BMPER: variants seen among roughly 807,000 people sequenced by gnomAD.
BMPER encodes the protein BMP-binding endothelial regulator protein.
A neutral mutation model predicts 87.3 loss-of-function variants in BMPER; 45 were observed. The observed-to-expected ratio is 0.52, with a 90% CI of 0.41 to 0.66. The LOEUF (loss-of-function observed/expected upper bound fraction) is 0.66, where lower values mean the gene tolerates loss of function less well. BMPER is among the 30% of genes least tolerant of loss of function. The pLI is 0.00. For missense variants in BMPER, 784 were observed against 867.5 expected, an observed-to-expected ratio of 0.90 and a Z score of 1.21; for synonymous variants, 326 against 316.2, an observed-to-expected ratio of 1.03 and a Z score of -0.33.
chr7:34,049,310 G>A (rs912805096), intron 7 of BMPER, among the ~76,000 whole-genome samples: 1 of 152,140 alleles, frequency 6.6e-6, no homozygotes, highest in African/African-American at 2.4e-5. Context: ...TGCTCCAAGA[G>A]CTTTATATTC....
At chr7:34,086,932 A>G (rs1789228594) in intron 13 of BMPER, among the ~76,000 whole-genome samples, 1 of 152,170 alleles carries the variant, frequency 6.6e-6, no homozygotes, top group Non-Finnish European at 1.5e-5. Context: ...ACACAGCCCA[A>G]AAGGCCTTGT....
At chr7:34,039,603 T>C (rs6944283) in intron 6 of BMPER, among the ~76,000 whole-genome samples, 7 of 142,682 alleles carry the variant, frequency 4.9e-5, no homozygotes, top group Middle Eastern at 3.7e-3. Context: ...GACACACAAA[T>C]ACACACACAC....
At chr7:34,016,011 A>T (rs1171243963) in intron 6 of BMPER, among the ~76,000 whole-genome samples, 1 of 148,306 alleles carries the variant, frequency 6.7e-6, no homozygotes, top group Non-Finnish European at 1.5e-5. Context: ...AGAGAGAGTG[A>T]GAGAGAGAGA....
At chr7:34,114,815 A>G (rs1790067772) in intron 13 of BMPER, among the ~76,000 whole-genome samples, 2 of 152,246 alleles carry the variant, frequency 1.3e-5, no homozygotes, top group Admixed American at 1.3e-4. Flanking sequence ...GAAAGGGGCA[A>G]CACATAGTTC....
At chr7:33,974,552 C>A (rs1210668189) in intron 5 of BMPER, 150 bp from the exon 6 acceptor site, 2 of 801,920 alleles carry the variant, frequency 2.5e-6, no homozygotes, top group East Asian at 2.6e-5. Context: ...CTGTTTTTTT[C>A]TTTTCACTAT....
In BMPER at chr7:34,069,935, G is replaced by A. The variant is rs141721798; in HGVS notation, c.1078+7888G>A. ...TCTTCTTATCTCTGTTCCCTTCCGC[G>A]TTAGTACTCTCTGCCCTCATTCATT... is the stretch of plus-strand genomic sequence containing the variant. On this transcript the variant is annotated intron_variant, in intron 11 of 14. Coordinates refer to ENST00000649409, the MANE Select transcript of BMPER (RefSeq NM_001365308.1). Among the ~76,000 whole-genome samples the A allele has an allele frequency of 1.4e-3, 220 of 152,086 alleles. 1 individual carries two copies. Among genetic ancestry groups the A allele is most frequent in the African/African-American group, 5.0e-3 (206 of 41,480 alleles).
chr7:33,907,710 G>A (rs1783856913), intron 2 of BMPER, among the ~76,000 whole-genome samples: 1 of 152,122 alleles, frequency 6.6e-6, no homozygotes, highest in Admixed American at 6.5e-5. Flanking sequence ...AATCACTTTT[G>A]GCAAAATTTG....
intron 13 of BMPER, among the ~76,000 whole-genome samples, chr7:34,126,905 A>T (rs1404491192): frequency 1.3e-5 from 2 of 152,190 alleles, no homozygotes; most frequent in Non-Finnish European, 2.9e-5. Context: ...TGAGTGACTA[A>T]GCAGCATTAT....
intron 3 of BMPER, among the ~76,000 whole-genome samples, chr7:33,962,557 G>T: frequency 6.6e-6 from 1 of 152,146 alleles, no homozygotes. Flanking sequence ...ATATCTTCCA[G>T]CTGTGATAAC....
intron 6 of BMPER, among the ~76,000 whole-genome samples, chr7:34,034,885 A>T (rs749534226): frequency 6.6e-6 from 1 of 151,906 alleles, no homozygotes; most frequent in Non-Finnish European, 1.5e-5. Flanking sequence ...CTCAGGGTGG[A>T]TTTTCTCTCA....
At chr7:34,125,489 A>G (rs192485501) in intron 13 of BMPER, among the ~76,000 whole-genome samples, 4 of 152,168 alleles carry the variant, frequency 2.6e-5, no homozygotes, top group African/African-American at 9.6e-5. Flanking sequence ...CTCTCATTCT[A>G]TTTTAAGTCT....
intron 13 of BMPER, among the ~76,000 whole-genome samples, chr7:34,135,763 G>A (rs1412841013): frequency 6.6e-6 from 1 of 152,068 alleles, no homozygotes; most frequent in Non-Finnish European, 1.5e-5. Flanking sequence ...TTTCTTGGAG[G>A]AGCCCATCTC....
chr7:33,934,542 A>G (rs547347257), intron 2 of BMPER, among the ~76,000 whole-genome samples: 1 of 151,446 alleles, frequency 6.6e-6, no homozygotes, highest in Non-Finnish European at 1.5e-5. Flanking sequence ...AAAAATCCAG[A>G]TGTGAATCTA....
chr7:33,940,434 A>G (rs1281205906), intron 3 of BMPER, among the ~76,000 whole-genome samples: 1 of 152,194 alleles, frequency 6.6e-6, no homozygotes, highest in Non-Finnish European at 1.5e-5. Flanking sequence ...CTTGCGTAGT[A>G]AAGGAATAAG....
intron 13 of BMPER, among the ~76,000 whole-genome samples, chr7:34,142,542 G>A (rs577246257): frequency 6.6e-6 from 1 of 152,284 alleles, no homozygotes; most frequent in Non-Finnish European, 1.5e-5. Context: ...TATTTCAGCT[G>A]CAGAGACCTT....
chr7:33,906,915 G>T lies in BMPER; in HGVS notation c.219+12G>T, dbSNP rs774299071. Reference sequence around the variant, plus strand: ...TGTGTGTCTGCTTGGTAAGTGTGGAGATCAGGTAATATGAACTCAACTGCT... The same window carrying T: ...TGTGTGTCTGCTTGGTAAGTGTGGATATCAGGTAATATGAACTCAACTGCT... On this transcript the variant is annotated intron_variant, in intron 2 of 14. Transcript: ENST00000649409. The T allele has an allele frequency of 6.2e-7, 1 of 1,603,530 alleles. No homozygotes were observed.
At chr7:33,908,430 A>G (rs1783875314) in intron 2 of BMPER, among the ~76,000 whole-genome samples, 1 of 152,194 alleles carries the variant, frequency 6.6e-6, no homozygotes, top group African/African-American at 2.4e-5. Context: ...ACATTATGAG[A>G]AATTCTCCCC....
chr7:34,143,353 T>C lies in BMPER; in HGVS notation c.1869T>C (p.Asn623=), dbSNP rs1273778197. 1 of 1,613,812 alleles carries C rather than the reference T, an allele frequency of 6.2e-7. No individual in the cohort carries two copies. The highest frequency in any genetic ancestry group is 1.3e-5 in the African/African-American group (1 of 74,906). ...AAGTCCACTGGGAGCCTCAGCAGAA[T>C]TGTGCAGGTAAGAAAGTCCTGCTGG... The part of the protein sequence containing the change: ...GIKVHWEPQQ[N]CAATQCKHGA... The change falls in exon 14 of 15, where the codon AAT becomes AAC. Residue 623 remains asparagine (N), a synonymous_variant. Transcript: ENST00000649409.
At chr7:34,064,642 A>T (rs577486291) in intron 11 of BMPER, among the ~76,000 whole-genome samples, 1 of 152,340 alleles carries the variant, frequency 6.6e-6, no homozygotes, top group South Asian at 2.1e-4. Flanking sequence ...CACTGGGAGG[A>T]CAGTGACTCT....
Sources: gnomAD v4.1 joint callset for allele counts (sites outside exome capture counted in the v4.1 genomes callset) on GRCh38, gnomAD v4.1.1 for gene constraint, MANE v1.5 for transcripts, NCBI Gene and HGNC (gene_info 2026-07-23, HGNC 2026-07-21) for gene names.